Variants in USP34 observed in about 807,000 individuals in gnomAD.
The protein encoded by USP34 is ubiquitin carboxyl-terminal hydrolase 34.
A neutral mutation model predicts 460.3 loss-of-function variants in USP34; 70 were observed. The observed-to-expected ratio is 0.15, with a 90% CI of 0.13 to 0.19. The LOEUF is 0.19. USP34 is among the 10% of genes least tolerant of loss of function. The pLI, the probability that USP34 is intolerant of heterozygous loss-of-function variation, is 1.00. For missense variants in USP34, 3,985 were observed against 4,236.2 expected, an observed-to-expected ratio of 0.94 and a Z score of 1.65; for synonymous variants, 1,647 against 1,405.3, an observed-to-expected ratio of 1.17 and a Z score of -3.85.
intron 20 of USP34, among the ~76,000 whole-genome samples, chr2:61,330,494 G>C (rs1382490721): frequency 6.6e-6 from 1 of 152,138 alleles, no homozygotes; most frequent in African/African-American, 2.4e-5. Context: ...TGCCTTAAAG[G>C]TCTATGACTT....
At position 61,350,395 on chromosome 2, in the gene USP34, A is replaced by C. The variant is rs752360522; in HGVS notation, c.1378-6T>G. Reference sequence around the variant, plus strand: ...ATGGATGCCAAGTACAGTGTCTAAAAAAAAGAGGGAGAGATTTCAGTTTGA... The same window carrying C: ...ATGGATGCCAAGTACAGTGTCTAAACAAAAGAGGGAGAGATTTCAGTTTGA... On this transcript the variant is annotated splice_polypyrimidine_tract_variant and splice_region_variant and intron_variant, in intron 11 of 79. Transcript: ENST00000398571. The C allele has an allele frequency of 1.2e-6, 2 of 1,600,858 alleles. No homozygotes were observed. The highest frequency in any genetic ancestry group is 8.5e-7 in the Non-Finnish European group (1 of 1,175,430).
At chr2:61,420,650 TA>T (rs1019739061) in intron 2 of USP34, 95 bp downstream of exon 2, 55 of 760,520 alleles carry the variant, frequency 7.2e-5, no homozygotes, top group South Asian at 4.3e-4. Context: ...TAATGGTATC[TA>T]ACCCAACACC....
chr2:61,394,509 A>G (rs1693454315), intron 5 of USP34, among the ~76,000 whole-genome samples: 2 of 150,192 alleles, frequency 1.3e-5, no homozygotes, highest in African/African-American at 4.9e-5. Flanking sequence ...TACAGCCTAA[A>G]CAACGGAGTG....
intron 67 of USP34, 30 bp downstream of exon 67, chr2:61,220,280 G>T (rs1249632200): frequency 1.3e-6 from 2 of 1,571,980 alleles, no homozygotes; most frequent in African/African-American, 1.4e-5. Context: ...ATAAATAAAT[G>T]GTTTATGAAA....
intron 1 of USP34, among the ~76,000 whole-genome samples, chr2:61,439,522 C>G (rs1694907244): frequency 6.6e-6 from 1 of 152,208 alleles, no homozygotes; most frequent in Non-Finnish European, 1.5e-5. Context: ...GTGCCCAGCA[C>G]CATCCAGCTG....
In USP34 at chr2:61,444,921, C is replaced by CAA. The variant is rs34855063; in HGVS notation, c.44-24090_44-24089dup. ...CCTATTAAACTCTGTTCCTTAACAC[C>CAA]AAAAAAAAAAAAAAACTGAGCAAGT... On this transcript the variant is annotated intron_variant, in intron 1 of 79. Coordinates refer to ENST00000398571, the MANE Select transcript of USP34 (RefSeq NM_014709.4). 4.8e-3 allele frequency among the ~76,000 whole-genome samples: 656 copies of CAA among 137,880 alleles called. 1 individual carries two copies. Among genetic ancestry groups the CAA allele is most frequent in the African/African-American group, 8.0e-3 (296 of 37,218 alleles). The allele number at this position is 137,880 out of a possible 152,430, so 90.5% of individuals were successfully genotyped here.
intron 27 of USP34, among the ~76,000 whole-genome samples, chr2:61,304,708 C>T (rs1690346990): frequency 6.6e-6 from 1 of 152,196 alleles, no homozygotes; most frequent in Admixed American, 6.5e-5. Context: ...AAATAAATTT[C>T]TTTTGTTTAT....
In USP34 at chr2:61,228,940, G is replaced by A; in HGVS notation, c.7255C>T (p.Arg2419Cys). The change falls in exon 60 of 80, where the codon CGC becomes TGC. Residue 2419 changes from arginine (R) to cysteine (C), a missense_variant. Physicochemically the swap from Arg to Cys is radical, Grantham distance 180. This residue lies in a region of USP34 where 604 missense variants were observed against 684.8 expected (regional missense o/e 0.88). Coordinates refer to ENST00000398571, the MANE Select transcript of USP34 (RefSeq NM_014709.4). ...ATTAATAACAGGGTTCTCACAAAGC[G>A]AGTGACACATGAACGACCACCAATA... ...EDIGGRSCVT[R>C]FVRTLLLIME... is the part of the protein sequence containing the mutation. 3.1e-6 allele frequency: 5 copies of A among 1,609,576 alleles called. No individual in the cohort carries two copies. The highest frequency in any genetic ancestry group is 1.7e-5 in the Admixed American group (1 of 59,236).
At chr2:61,260,592 G>T (rs1301458827) in intron 43 of USP34, among the ~76,000 whole-genome samples, 5 of 152,034 alleles carry the variant, frequency 3.3e-5, no homozygotes, top group Non-Finnish European at 7.4e-5. Context: ...TCAAGATATG[G>T]ACTAAAACAG....
At chr2:61,374,671 G>T (rs780377821) in intron 8 of USP34, among the ~76,000 whole-genome samples, 17 of 151,654 alleles carry the variant, frequency 1.1e-4, no homozygotes, top group African/African-American at 1.7e-4. Flanking sequence ...GTGCAGTGGC[G>T]CAACTTCGGC....
At chr2:61,201,508 C>T (rs1686976488) in intron 75 of USP34, among the ~76,000 whole-genome samples, 1 of 152,106 alleles carries the variant, frequency 6.6e-6, no homozygotes, top group African/African-American at 2.4e-5. Context: ...CCACCACGTC[C>T]GGCCCTTATA....
intron 10 of USP34, among the ~76,000 whole-genome samples, chr2:61,367,300 G>T (rs550939906): frequency 6.6e-6 from 1 of 151,690 alleles, no homozygotes; most frequent in East Asian, 1.9e-4. Context: ...TTAGAAGCAC[G>T]AGTGCGCGCG....
At chr2:61,393,315 C>T (rs995421660) in intron 5 of USP34, among the ~76,000 whole-genome samples, 2 of 151,736 alleles carry the variant, frequency 1.3e-5, no homozygotes, top group African/African-American at 4.8e-5. Flanking sequence ...CCTGTAGTCC[C>T]AACTACTCGG....
intron 53 of USP34, among the ~76,000 whole-genome samples, chr2:61,237,924 T>A (rs186655747): frequency 7.9e-5 from 12 of 151,672 alleles, no homozygotes; most frequent in African/African-American, 2.9e-4. Flanking sequence ...TGAGACAAGT[T>A]TCGTTCTTGT....
chr2:61,429,181 C>T (rs1482049569), intron 1 of USP34, among the ~76,000 whole-genome samples: 2 of 152,128 alleles, frequency 1.3e-5, no homozygotes, highest in African/African-American at 4.8e-5. Flanking sequence ...GGCACAGTGG[C>T]TCACGCCTGT....
At position 61,188,856 on chromosome 2, in the gene USP34, G is replaced by C. The variant is rs1290387616; in HGVS notation, c.10033+54C>G. The C allele has an allele frequency of 6.9e-6, 11 of 1,603,574 alleles. 1 individual carries two copies. The highest frequency in any genetic ancestry group is 8.5e-6 in the Non-Finnish European group (10 of 1,175,164). On this transcript the variant is annotated intron_variant, in intron 79 of 79. Coordinates refer to ENST00000398571, the MANE Select transcript of USP34 (RefSeq NM_014709.4). Reference sequence around the variant, plus strand: ...AACTCTTAAACCAGTTACACCAAGTGTATTACTCCCTCCTCCCACCCTAAA... The same window carrying C: ...AACTCTTAAACCAGTTACACCAAGTCTATTACTCCCTCCTCCCACCCTAAA...
At chr2:61,325,291 ACTG>A in intron 21 of USP34, 81 bp downstream of exon 21, 3 of 840,434 alleles carry the variant, frequency 3.6e-6, no homozygotes, top group Non-Finnish European at 3.5e-6. Flanking sequence ...AAAAAAAAAA[ACTG>A]CAGAAATCAG....
At chr2:61,434,763 T>C (rs1016560350) in intron 1 of USP34, among the ~76,000 whole-genome samples, 1 of 141,948 alleles carries the variant, frequency 7.0e-6, no homozygotes, top group Admixed American at 7.2e-5. Context: ...CTCCATAAAA[T>C]TGAAAGGGGG....
chr2:61,462,760 G>C (rs1415226876), intron 1 of USP34, among the ~76,000 whole-genome samples: 2 of 151,528 alleles, frequency 1.3e-5, no homozygotes, highest in Non-Finnish European at 2.9e-5. Flanking sequence ...ACTTGGGAGG[G>C]TGAGGCACAA....
Sources: gnomAD v4.1 joint callset for allele counts (sites outside exome capture counted in the v4.1 genomes callset) on GRCh38, gnomAD v4.1.1 for gene constraint, gnomAD v4.1.1 regional missense constraint, MANE v1.5 for transcripts, NCBI Gene and HGNC (gene_info 2026-07-23, HGNC 2026-07-21) for gene names.